The following IPCEF1 variants were observed in gnomAD, a reference collection of about 807,000 sequenced individuals.
The protein encoded by IPCEF1 is interactor protein for cytohesin exchange factors 1.
IPCEF1 carries 31 observed loss-of-function variants against 50.9 expected under a neutral mutation model. The observed-to-expected ratio is 0.61, with a 90% CI of 0.46 to 0.82. IPCEF1 has a LOEUF of 0.82. Among genes scored for constraint, IPCEF1 ranks in the 40% least tolerant of loss-of-function variants. The pLI is 0.00. For missense variants in IPCEF1, 458 were observed against 514.0 expected (o/e 0.89, Z 1.05); for synonymous variants, 181 against 192.0 (o/e 0.94, Z 0.47).
intron 1 of IPCEF1, among the ~76,000 whole-genome samples, chr6:154,341,033 C>G (rs967156644): frequency 5.9e-5 from 9 of 152,008 alleles, no homozygotes; most frequent in African/African-American, 2.2e-4. Flanking sequence ...CAACTTGAAG[C>G]AAAGGCAGGA....
At chr6:154,179,360 C>T (rs1046382666) in intron 10 of IPCEF1, among the ~76,000 whole-genome samples, 1 of 152,078 alleles carries the variant, frequency 6.6e-6, no homozygotes, top group Non-Finnish European at 1.5e-5. Context: ...ATATATTTTT[C>T]TAAATTAGAA....
At chr6:154,318,754 T>G (rs139818911) in intron 1 of IPCEF1, among the ~76,000 whole-genome samples, 153 of 150,408 alleles carry the variant, frequency 1.0e-3, no homozygotes, top group African/African-American at 3.2e-3. Flanking sequence ...AAACAATACA[T>G]ATTTTCTATA....
intron 10 of IPCEF1, among the ~76,000 whole-genome samples, chr6:154,187,504 A>G (rs1320212643): frequency 6.6e-6 from 1 of 152,256 alleles, no homozygotes; most frequent in Non-Finnish European, 1.5e-5. Context: ...ACCCAGAGAT[A>G]TCATAATAGT....
intron 2 of IPCEF1, among the ~76,000 whole-genome samples, chr6:154,278,842 G>C (rs779858373): frequency 6.6e-6 from 1 of 151,734 alleles, no homozygotes; most frequent in Non-Finnish European, 1.5e-5. Flanking sequence ...TGGGCCAGGC[G>C]TGGTGGCTTA....
At chr6:154,319,033 G>T (rs1452784259) in intron 1 of IPCEF1, among the ~76,000 whole-genome samples, 2 of 152,078 alleles carry the variant, frequency 1.3e-5, no homozygotes, top group African/African-American at 4.8e-5. Context: ...TATGCAGCAG[G>T]GTGATAACTA....
intron 11 of IPCEF1, among the ~76,000 whole-genome samples, chr6:154,160,974 C>T (rs534234373): frequency 6.6e-6 from 1 of 152,280 alleles, no homozygotes; most frequent in East Asian, 1.9e-4. Context: ...TCCCCTTACA[C>T]CCAAGGCTCC....
At chr6:154,182,700 A>G (rs1800991903) in intron 10 of IPCEF1, among the ~76,000 whole-genome samples, 1 of 152,166 alleles carries the variant, frequency 6.6e-6, no homozygotes, top group Admixed American at 6.5e-5. Context: ...AGTGGGTGGG[A>G]AGCTGGAAAA....
intron 1 of IPCEF1, among the ~76,000 whole-genome samples, chr6:154,314,976 G>T (rs1404510822): frequency 6.6e-6 from 1 of 151,674 alleles, no homozygotes. Flanking sequence ...CGCCTCCCAG[G>T]TTCAAGCGAT....
chr6:154,345,513 T>C lies in IPCEF1; in HGVS notation c.-62+11159A>G, dbSNP rs1258635508. Among the ~76,000 whole-genome samples, 5 of 152,318 alleles carry C rather than the reference T, an allele frequency of 3.3e-5. No individual in the cohort carries two copies. The East Asian group carries it at 9.6e-4, about 29-fold the overall frequency. On this transcript the variant is annotated intron_variant, in intron 1 of 11. Coordinates refer to ENST00000367220, the MANE Select transcript of IPCEF1 (RefSeq NM_001130700.2). The stretch of plus-strand genomic sequence containing the variant: ...CAAAAAAATACAAGCCAATTAAGAA[T>C]AATCCACTTTCCAAAAGAGAGCTGC...
At chr6:154,183,413 T>C (rs1206842660) in intron 10 of IPCEF1, among the ~76,000 whole-genome samples, 1 of 152,266 alleles carries the variant, frequency 6.6e-6, no homozygotes, top group Admixed American at 6.5e-5. Context: ...GCTTTAAAGA[T>C]AGTACTTCTT....
intron 1 of IPCEF1, among the ~76,000 whole-genome samples, chr6:154,317,527 C>T (rs1309930540): frequency 5.5e-5 from 6 of 109,242 alleles, no homozygotes; most frequent in Middle Eastern, 9.6e-3. Flanking sequence ...CCAACCTGGG[C>T]GACAGTGAGA....
At chr6:154,341,065 C>A in intron 1 of IPCEF1, among the ~76,000 whole-genome samples, 1 of 152,096 alleles carries the variant, frequency 6.6e-6, no homozygotes, top group East Asian at 1.9e-4. Flanking sequence ...GGAGAGGGGG[C>A]TTCCAGGTCA....
At chr6:154,278,074 G>A (rs1314694497) in intron 2 of IPCEF1, among the ~76,000 whole-genome samples, 1 of 152,086 alleles carries the variant, frequency 6.6e-6, no homozygotes, top group African/African-American at 2.4e-5. Context: ...TCACAAAATA[G>A]AAGGAATCAC....
intron 2 of IPCEF1, among the ~76,000 whole-genome samples, chr6:154,271,202 AAAAT>A (rs911341808): frequency 5.9e-5 from 9 of 151,288 alleles, no homozygotes; most frequent in African/African-American, 1.7e-4. Context: ...CTACAAAAAA[AAAAT>A]AAATAAATAA....
At chr6:154,356,048 A>G (rs1288436876) in intron 1 of IPCEF1, among the ~76,000 whole-genome samples, 1 of 152,222 alleles carries the variant, frequency 6.6e-6, no homozygotes, top group Non-Finnish European at 1.5e-5. Context: ...CAAGACTAAT[A>G]GAGCCCACTG....
intron 5 of IPCEF1, among the ~76,000 whole-genome samples, chr6:154,230,264 C>A (rs1377557696): frequency 6.6e-6 from 1 of 152,128 alleles, no homozygotes; most frequent in Non-Finnish European, 1.5e-5. Flanking sequence ...TCAGTTATAA[C>A]AAATCTCCCA....
At chr6:154,343,789 A>G (rs1280096255) in intron 1 of IPCEF1, among the ~76,000 whole-genome samples, 2 of 152,194 alleles carry the variant, frequency 1.3e-5, no homozygotes, top group Non-Finnish European at 1.5e-5. Flanking sequence ...CTTGTCTAAC[A>G]GGAAAGCCCG....
intron 10 of IPCEF1, among the ~76,000 whole-genome samples, chr6:154,184,321 A>G (rs1193137799): frequency 6.6e-6 from 1 of 152,120 alleles, no homozygotes; most frequent in Admixed American, 6.5e-5. Context: ...CTACATTTCC[A>G]TCTTTTGGAG....
intron 1 of IPCEF1, among the ~76,000 whole-genome samples, chr6:154,350,486 C>G (rs947605730): frequency 6.6e-6 from 1 of 152,220 alleles, no homozygotes; most frequent in Non-Finnish European, 1.5e-5. Flanking sequence ...AGTGACTCTA[C>G]TGTTTGAGGC....
Sources: gnomAD v4.1 joint callset for allele counts (sites outside exome capture counted in the v4.1 genomes callset) on GRCh38, gnomAD v4.1.1 for gene constraint, MANE v1.5 for transcripts, NCBI Gene and HGNC (gene_info 2026-07-23, HGNC 2026-07-21) for gene names.